The following NAPG variants were observed in gnomAD, a reference collection of about 807,000 sequenced individuals.
The protein encoded by NAPG is NSF attachment protein gamma.
A neutral mutation model predicts 48.4 loss-of-function variants in NAPG; 25 were observed. The observed-to-expected ratio is 0.52, with a 90% CI of 0.38 to 0.72. The LOEUF (loss-of-function observed/expected upper bound fraction) is 0.72. Among genes scored for constraint, NAPG ranks in the 30% least tolerant of loss-of-function variants. NAPG has a pLI of 0.00. For missense variants in NAPG, 359 were observed against 372.5 expected (o/e 0.96, Z 0.30); for synonymous variants, 139 against 127.2 (o/e 1.09, Z -0.62).
chr18:10,533,288 A>C, intron 3 of NAPG: 2 of 377,776 alleles, frequency 5.3e-6, no homozygotes, highest in Non-Finnish European at 9.4e-6. Flanking sequence ...CTTCAGTAAA[A>C]CTTCAGATTA....
At chr18:10,538,904 C>T (rs1029395373) in intron 5 of NAPG, among the ~76,000 whole-genome samples, 1 of 151,706 alleles carries the variant, frequency 6.6e-6, no homozygotes, top group African/African-American at 2.4e-5. Context: ...ACATGAAAAA[C>T]AGCTCATCAT....
intron 2 of NAPG, among the ~76,000 whole-genome samples, chr18:10,531,221 A>T (rs1938882879): frequency 6.6e-6 from 1 of 152,206 alleles, no homozygotes; most frequent in East Asian, 1.9e-4. Context: ...ACTTAGCCTC[A>T]TCTTAACCTG....
chr18:10,550,067 T>C lies in NAPG; in HGVS notation c.796-10T>C. 1.3e-6 allele frequency: 2 copies of C among 1,539,102 alleles called. No individual in the cohort carries two copies. On this transcript the variant is annotated splice_polypyrimidine_tract_variant and intron_variant, in intron 11 of 11. Coordinates refer to ENST00000322897, the MANE Select transcript of NAPG (RefSeq NM_003826.3). ...ATCCAGCTTTTAAGAACATGTTCTG[T>C]TGTTGACAGTATGCTAAGCTGGGCC...
intron 4 of NAPG, among the ~76,000 whole-genome samples, chr18:10,533,950 G>T (rs2031981752): frequency 6.6e-6 from 1 of 152,260 alleles, no homozygotes; most frequent in African/African-American, 2.4e-5. Context: ...TTCAAGACCA[G>T]CCTGGCCAAC....
Position 10,532,778 on chromosome 18 carries a change from C to T in NAPG, c.192C>T (p.Ala64=). The change falls in exon 3 of 12, where the codon GCC becomes GCT. Residue 64 remains alanine, a synonymous_variant. Coordinates refer to ENST00000322897, the MANE Select transcript of NAPG (RefSeq NM_003826.3). ...AKDACLREAV[A]HENNRALFHA... Reference sequence around the variant, plus strand: ...ATGCCTGCCTGAGGGAAGCTGTTGCCCATGAAAATAATAGGGCGTATCTTT... The same window carrying T: ...ATGCCTGCCTGAGGGAAGCTGTTGCTCATGAAAATAATAGGGCGTATCTTT... The T allele has an allele frequency of 6.3e-7, 1 of 1,581,992 alleles. No individual in the cohort carries two copies. The highest frequency in any genetic ancestry group is 8.6e-7 in the Non-Finnish European group (1 of 1,162,374).
rs1053818474 is a variant in NAPG, at chr18:10,548,136, A to G, written c.586-163A>G. 6.6e-6 allele frequency among the ~76,000 whole-genome samples: 1 copy of G among 152,172 alleles called. No homozygotes were observed. The highest frequency in any genetic ancestry group is 2.4e-5 in the African/African-American group (1 of 41,440). ...AATTGGAAAAGTACTGTTCTAGGAT[A>G]TTTCCCCTCAGGTGTCCCGTGGAAG... On this transcript the variant is annotated intron_variant, in intron 9 of 11. Coordinates refer to ENST00000322897, the MANE Select transcript of NAPG (RefSeq NM_003826.3). The surrounding 1 kb of genome is among the most constrained non-coding windows in gnomAD (Gnocchi z 4.4).
In NAPG at chr18:10,539,931, C is replaced by T. The variant is rs1312882264; in HGVS notation, c.369-57C>T. ...TCTTGTCTTTTTGTTTTAAAGAGGT[C>T]CCTGAAAAACAAGTTTTCCATTTCT... is the stretch of plus-strand genomic sequence containing the variant. On this transcript the variant is annotated intron_variant, in intron 6 of 11. Coordinates refer to ENST00000322897, the MANE Select transcript of NAPG (RefSeq NM_003826.3). This position sits in a 1 kb window ranked among gnomAD's most constrained non-coding sequence, Gnocchi z 4.7. 2 of 1,604,336 alleles carry T rather than the reference C, an allele frequency of 1.2e-6. No individual in the cohort carries two copies. The highest frequency in any genetic ancestry group is 2.7e-5 in the African/African-American group (2 of 74,508).
chr18:10,532,647 T>C, intron 2 of NAPG, 64 bp from the exon 3 acceptor site: 2 of 1,267,558 alleles, frequency 1.6e-6, no homozygotes, highest in Non-Finnish European at 2.2e-6. Context: ...AAAATGCAGA[T>C]TTCAGTAATG....
At position 10,534,528 on chromosome 18, in the gene NAPG, G is replaced by C; in HGVS notation, c.258+32G>C. 6.2e-7 allele frequency: 1 copy of C among 1,607,876 alleles called. No individual in the cohort carries two copies. Among genetic ancestry groups the C allele is most frequent in the South Asian group, 1.1e-5 (1 of 90,894 alleles). ...AATGTTATGTCACAATTGTTGTGTA[G>C]GTAAAATGAATTAACTACAAGGTGT... On this transcript the variant is annotated intron_variant, in intron 5 of 11. Transcript: ENST00000322897. The surrounding 1 kb of genome is among the most constrained non-coding windows in gnomAD (Gnocchi z 5.0).
rs2031991030 is a variant in NAPG, at chr18:10,534,411, C to A, written c.228-55C>A. ...CCAGTAGTTCCTCACCAGAAAGTTT[C>A]TTCTACCCCTTATTTCGTTAAGATC... On this transcript the variant is annotated intron_variant, in intron 4 of 11. Coordinates refer to ENST00000322897, the MANE Select transcript of NAPG (RefSeq NM_003826.3). This position sits in a 1 kb window ranked among gnomAD's most constrained non-coding sequence, Gnocchi z 5.0. The A allele has an allele frequency of 2.6e-6, 4 of 1,556,462 alleles. No homozygotes were observed. The Admixed American group carries it at 5.1e-5, about 20-fold the overall frequency.
At position 10,534,754 on chromosome 18, in the gene NAPG, G is replaced by A. The variant is rs2031998186; in HGVS notation, c.258+258G>A. Among the ~76,000 whole-genome samples the A allele has an allele frequency of 6.6e-6, 1 of 152,212 alleles. No homozygotes were observed. Among genetic ancestry groups the A allele is most frequent in the Non-Finnish European group, 1.5e-5 (1 of 68,032 alleles). ...CTAATGTTCTAAGCTCTATAACCAG[G>A]ATAGATGTGTATTGCTATAAAAAGA... On this transcript the variant is annotated intron_variant, in intron 5 of 11. Coordinates refer to ENST00000322897, the MANE Select transcript of NAPG (RefSeq NM_003826.3). This position sits in a 1 kb window ranked among gnomAD's most constrained non-coding sequence, Gnocchi z 5.0.
chr18:10,538,079 G>GTT (rs3838368), intron 5 of NAPG, among the ~76,000 whole-genome samples: 232 of 151,282 alleles, frequency 1.5e-3, no homozygotes, highest in African/African-American at 5.0e-3. Context: ...TTTAAACGGT[G>GTT]TTTTTTTTTA....
At chr18:10,526,393 C>G (rs1598407901) in intron 1 of NAPG, 1 of 542,616 alleles carries the variant, frequency 1.8e-6, no homozygotes, top group East Asian at 3.2e-5. Context: ...AGTCCGCTCC[C>G]CAGAGCCGGT....
In NAPG at chr18:10,526,170, C is replaced by A. The variant is rs1323817240; in HGVS notation, c.56+12C>A. ...AAAGCAGAGAAATAGTGAGTGAGAACCTTCCGGGGGCCTGTGTGTAGACGC... is the reference window on the plus strand; with the variant it reads ...AAAGCAGAGAAATAGTGAGTGAGAAACTTCCGGGGGCCTGTGTGTAGACGC... On this transcript the variant is annotated intron_variant, in intron 1 of 11. Transcript: ENST00000322897. 1 of 1,612,498 alleles carries A rather than the reference C, an allele frequency of 6.2e-7. No individual in the cohort carries two copies. Among genetic ancestry groups the A allele is most frequent in the Non-Finnish European group, 8.5e-7 (1 of 1,179,158 alleles).
At chr18:10,527,867 G>C (rs75437799) in intron 1 of NAPG, among the ~76,000 whole-genome samples, 1 of 152,162 alleles carries the variant, frequency 6.6e-6, no homozygotes, top group African/African-American at 2.4e-5. Flanking sequence ...CAGTGGACTC[G>C]GTTAGATTTG....
intron 2 of NAPG, among the ~76,000 whole-genome samples, chr18:10,531,404 G>T (rs77948243): frequency 0.056 from 8,535 of 152,186 alleles, 718 homozygotes; most frequent in African/African-American, 0.19. Flanking sequence ...TACTAAAAAT[G>T]TAGCATTCTG....
chr18:10,540,493 T>C, intron 8 of NAPG, 94 bp downstream of exon 8: 1 of 1,046,870 alleles, frequency 9.6e-7, no homozygotes, highest in Non-Finnish European at 1.4e-6. Context: ...TGTTAATTTT[T>C]TGGTATAAGC....
chr18:10,533,755 T>A (rs2031977527), intron 4 of NAPG, among the ~76,000 whole-genome samples: 1 of 152,162 alleles, frequency 6.6e-6, no homozygotes, highest in Non-Finnish European at 1.5e-5. Context: ...TAAATTAAAT[T>A]TGCCATAATA....
At chr18:10,526,724 T>G (rs1050105916) in intron 1 of NAPG, 1 of 153,422 alleles carries the variant, frequency 6.5e-6, no homozygotes, top group African/African-American at 2.4e-5. Context: ...GGACTGTGCT[T>G]CGTTCGTCCT....
Sources: allele counts gnomAD v4.1 joint callset (sites outside exome capture counted in the v4.1 genomes callset), GRCh38; gene constraint gnomAD v4.1.1; non-coding constraint Gnocchi (gnomAD v3.1); transcripts MANE v1.5; gene names NCBI Gene and HGNC (gene_info 2026-07-23, HGNC 2026-07-21).